Variants in SLC39A10 observed in about 807,000 individuals in gnomAD.
The protein encoded by SLC39A10 is solute carrier family 39 member 10, also known as zinc transporter ZIP10.
Under a neutral mutation model 65.1 loss-of-function variants are expected in SLC39A10, and 13 were observed. The ratio of observed to expected loss-of-function variants is 0.20; its 90% CI spans 0.13 to 0.32. The LOEUF (loss-of-function observed/expected upper bound fraction) is 0.32, where lower values mean the gene tolerates loss of function less well. SLC39A10 is among the 10% of genes least tolerant of loss of function. The pLI, the probability that SLC39A10 is intolerant of heterozygous loss-of-function variation, is 1.00. For synonymous variants in SLC39A10, 321 were observed against 342.2 expected (o/e 0.94, Z 0.68); for missense variants, 831 against 1,018.4 (o/e 0.82, Z 2.50).
At chr2:195,684,380 T>G (rs1690445567) in intron 3 of SLC39A10, among the ~76,000 whole-genome samples, 1 of 152,084 alleles carries the variant, frequency 6.6e-6, no homozygotes, top group African/African-American at 2.4e-5. Context: ...CATGTGAACT[T>G]TATTATGGGT....
intron 1 of SLC39A10, among the ~76,000 whole-genome samples, chr2:195,676,692 T>C (rs1182106808): frequency 6.6e-6 from 1 of 152,176 alleles, no homozygotes; most frequent in Non-Finnish European, 1.5e-5. Context: ...TTTTCGTTAG[T>C]ATAATTTTAT....
chr2:195,707,493 G>A (rs1338646300), intron 4 of SLC39A10, among the ~76,000 whole-genome samples: 2 of 151,928 alleles, frequency 1.3e-5, no homozygotes, highest in African/African-American at 4.8e-5. Context: ...AGAGAATTTG[G>A]GAGACAGGAT....
At chr2:195,688,148 A>G in intron 3 of SLC39A10, among the ~76,000 whole-genome samples, 1 of 152,234 alleles carries the variant, frequency 6.6e-6, no homozygotes. Context: ...TATCTTGGGT[A>G]CATATAAAGA....
chr2:195,614,891 A>G (rs1280956957), intron 2 of SLC39A10, among the ~76,000 whole-genome samples: 1 of 152,080 alleles, frequency 6.6e-6, no homozygotes, highest in African/African-American at 2.4e-5. Context: ...CTGCTACAAA[A>G]AATAAAATAT....
At chr2:195,646,984 CA>C (rs1447154344) in intron 2 of SLC39A10, among the ~76,000 whole-genome samples, 2 of 152,152 alleles carry the variant, frequency 1.3e-5, no homozygotes, top group Non-Finnish European at 2.9e-5. Context: ...TCCCTTTATT[CA>C]GCATCATTTT....
chr2:195,714,766 T>C (rs1457366664), intron 6 of SLC39A10, among the ~76,000 whole-genome samples: 1 of 152,222 alleles, frequency 6.6e-6, no homozygotes, highest in African/African-American at 2.4e-5. Flanking sequence ...ACAAACCTTT[T>C]TTTTGAGACG....
chr2:195,720,435 A>T (rs1691988676), intron 8 of SLC39A10, among the ~76,000 whole-genome samples: 1 of 152,216 alleles, frequency 6.6e-6, no homozygotes, highest in Admixed American at 6.5e-5. Context: ...ATTAATTTGA[A>T]AGAAAAAATG....
In SLC39A10 at chr2:195,716,791, T is replaced by G. The variant is rs780474674; in HGVS notation, c.1851T>G (p.His617Gln). 6.2e-7 allele frequency: 1 copy of G among 1,614,170 alleles called. No homozygotes were observed. Among genetic ancestry groups the G allele is most frequent in the Non-Finnish European group, 8.5e-7 (1 of 1,180,004 alleles). The change falls in exon 7 of 10, where the codon CAT (histidine) becomes CAG (glutamine). Residue 617 changes from histidine (H) to glutamine (Q), a missense_variant. Physicochemically the swap from His to Gln is conservative, Grantham distance 24. Around this residue, in one of 4 missense-constraint regions of SLC39A10, gnomAD observed 230 missense variants for 242.9 expected, o/e 0.95. Coordinates refer to ENST00000359634, the MANE Select transcript of SLC39A10 (RefSeq NM_020342.3). Reference protein sequence around the residue: ...HSHSDGLHTIHEHDLHAAAHN... With the variant: ...HSHSDGLHTIQEHDLHAAAHN... ...ACAGTGATGGATTACATACCATTCA[T>G]GAGCATGATCTCCATGCTGCTGCAC...
At chr2:195,616,495 C>G (rs974203834) in intron 2 of SLC39A10, among the ~76,000 whole-genome samples, 1 of 150,488 alleles carries the variant, frequency 6.6e-6, no homozygotes, top group African/African-American at 2.4e-5. Flanking sequence ...TTAGTAGAGA[C>G]AGGGTTTCAA....
At chr2:195,638,061 T>C (rs1406074716) in intron 2 of SLC39A10, among the ~76,000 whole-genome samples, 2 of 152,212 alleles carry the variant, frequency 1.3e-5, no homozygotes, top group South Asian at 2.1e-4. Context: ...CATAAGGAGA[T>C]TGTTCTCAGT....
In SLC39A10 at chr2:195,735,270, C is replaced by T. The variant is rs1248478221; in HGVS notation, c.*229C>T. 2.0e-5 allele frequency: 7 copies of T among 355,994 alleles called. No homozygotes were observed. The highest frequency in any genetic ancestry group is 3.5e-5 in the Non-Finnish European group (7 of 200,430). 22.1% of individuals were successfully genotyped at this position (355,994 alleles called of 1,614,324 possible). On this transcript the variant is annotated 3_prime_UTR_variant, in exon 10 of 10. Coordinates refer to ENST00000359634, the MANE Select transcript of SLC39A10 (RefSeq NM_020342.3). ...GATAAAGAGAGGAGAATATGGGACT[C>T]CATGAACCAGTGTTGATATGTTTGA...
At chr2:195,681,220 A>C (rs1690300482) in intron 2 of SLC39A10, among the ~76,000 whole-genome samples, 170 bp downstream of exon 2, 1 of 152,104 alleles carries the variant, frequency 6.6e-6, no homozygotes, top group Non-Finnish European at 1.5e-5. Context: ...TTAAGGAATC[A>C]GAATCAGTGT....
intron 2 of SLC39A10, among the ~76,000 whole-genome samples, chr2:195,613,499 A>G (rs896578710): frequency 1.3e-5 from 2 of 152,218 alleles, no homozygotes; most frequent in African/African-American, 4.8e-5. Flanking sequence ...AAATTTTGAA[A>G]GTGCTTAGGA....
At chr2:195,718,358 A>G (rs1691896818) in intron 8 of SLC39A10, 26 bp downstream of exon 8, 2 of 1,534,488 alleles carry the variant, frequency 1.3e-6, no homozygotes, top group Non-Finnish European at 1.8e-6. Flanking sequence ...AAATTTTACC[A>G]GATTTCATCA....
At chr2:195,712,526 C>G (rs1691638245) in intron 5 of SLC39A10, among the ~76,000 whole-genome samples, 2 of 152,082 alleles carry the variant, frequency 1.3e-5, no homozygotes, top group South Asian at 4.1e-4. Flanking sequence ...AAACCAGCAA[C>G]AAAAAAATGC....
At chr2:195,616,869 CTAGGAT>C (rs1559002639) in intron 2 of SLC39A10, among the ~76,000 whole-genome samples, 4 of 152,130 alleles carry the variant, frequency 2.6e-5, no homozygotes. Flanking sequence ...TCCCGAAGTT[CTAGGAT>C]TACAGGCGGG....
chr2:195,692,161 T>G (rs1478573647), intron 3 of SLC39A10, among the ~76,000 whole-genome samples: 1 of 151,918 alleles, frequency 6.6e-6, no homozygotes, highest in African/African-American at 2.4e-5. Context: ...GTTGGCGTAT[T>G]TGGCTTTATT....
intron 2 of SLC39A10, among the ~76,000 whole-genome samples, chr2:195,633,896 G>A (rs1464975400): frequency 6.6e-6 from 1 of 152,172 alleles, no homozygotes; most frequent in Non-Finnish European, 1.5e-5. Flanking sequence ...ATCAGTTCTC[G>A]CTTTAGGCCA....
chr2:195,723,997 C>T (rs1053899014), intron 8 of SLC39A10, among the ~76,000 whole-genome samples: 7 of 151,530 alleles, frequency 4.6e-5, no homozygotes, highest in African/African-American at 1.7e-4. Context: ...TCCTTTCTGT[C>T]AAATTAAGGA....
Sources: gnomAD v4.1 joint callset for allele counts (sites outside exome capture counted in the v4.1 genomes callset) on GRCh38, gnomAD v4.1.1 for gene constraint, gnomAD v4.1.1 regional missense constraint, MANE v1.5 for transcripts, NCBI Gene and HGNC (gene_info 2026-07-23, HGNC 2026-07-21) for gene names.